Variants in DCBLD1 observed in about 807,000 individuals in gnomAD.
DCBLD1 encodes discoidin, CUB and LCCL domain containing 1, also known as discoidin, CUB and LCCL domain-containing protein 1.
A neutral mutation model predicts 71.5 loss-of-function variants in DCBLD1; 57 were observed. The observed-to-expected ratio is 0.80, with a 90% CI of 0.64 to 0.99. The LOEUF (loss-of-function observed/expected upper bound fraction) is 0.99. DCBLD1 is among the 50% of genes least tolerant of loss of function. The pLI, the probability that DCBLD1 is intolerant of heterozygous loss-of-function variation, is 0.00. For missense variants in DCBLD1, 891 were observed against 923.5 expected, an observed-to-expected ratio of 0.96 and a Z score of 0.46; for synonymous variants, 380 against 363.8, an observed-to-expected ratio of 1.04 and a Z score of -0.51.
intron 12 of DCBLD1, chr6:117,544,134 G>A (rs1779188136): frequency 6.1e-6 from 1 of 163,300 alleles, no homozygotes; most frequent in South Asian, 2.0e-4. Flanking sequence ...ATGCCTTAGT[G>A]TAATGTGCTT....
At chr6:117,503,437 T>C in intron 1 of DCBLD1, 1 of 275,050 alleles carries the variant, frequency 3.6e-6, no homozygotes, top group Non-Finnish European at 6.9e-6. Flanking sequence ...GCTTGGCAAA[T>C]GCATGCAAGG....
chr6:117,490,794 G>T (rs1436199163), intron 1 of DCBLD1, among the ~76,000 whole-genome samples: 1 of 151,634 alleles, frequency 6.6e-6, no homozygotes, highest in Non-Finnish European at 1.5e-5. Flanking sequence ...TACTGAAAAA[G>T]AATAGTCTTT....
intron 14 of DCBLD1, among the ~76,000 whole-genome samples, chr6:117,566,197 T>G (rs1474344157): frequency 6.6e-6 from 1 of 152,084 alleles, no homozygotes; most frequent in East Asian, 1.9e-4. Context: ...CCAGATACCA[T>G]CAGTGCAAAT....
intron 2 of DCBLD1, among the ~76,000 whole-genome samples, chr6:117,518,973 A>G (rs1582999756): frequency 1.3e-5 from 2 of 152,094 alleles, no homozygotes; most frequent in South Asian, 2.1e-4. Flanking sequence ...GCCGCTGACT[A>G]TTTCCATACT....
chr6:117,521,485 T>TA (rs772606276), intron 3 of DCBLD1, 40 bp from the exon 4 acceptor site: 24 of 1,508,630 alleles, frequency 1.6e-5, no homozygotes, highest in Non-Finnish European at 2.2e-5. Flanking sequence ...TCCTAGTTTT[T>TA]ATTCATTCTA....
downstream of DCBLD1, among the ~76,000 whole-genome samples, chr6:117,550,339 A>T (rs777619214): frequency 3.9e-5 from 6 of 152,150 alleles, no homozygotes; most frequent in Non-Finnish European, 5.9e-5. Flanking sequence ...ACACAGCTAA[A>T]CCTAAACTAG....
chr6:117,550,115 G>A (rs1465273109), downstream of DCBLD1, among the ~76,000 whole-genome samples: 1 of 152,176 alleles, frequency 6.6e-6, no homozygotes, highest in Non-Finnish European at 1.5e-5. Context: ...GCTGTTTACA[G>A]AATTTTAATA....
At chr6:117,523,748 A>G (rs1778458233) in intron 4 of DCBLD1, among the ~76,000 whole-genome samples, 1 of 152,232 alleles carries the variant, frequency 6.6e-6, no homozygotes, top group Non-Finnish European at 1.5e-5. Flanking sequence ...TAGTTGTTAC[A>G]TATATAATTT....
chr6:117,498,163 A>G (rs1777529963), intron 1 of DCBLD1, among the ~76,000 whole-genome samples: 1 of 152,240 alleles, frequency 6.6e-6, no homozygotes. Context: ...TGAAATATTC[A>G]TGAATACTTG....
Position 117,548,234 on chromosome 6 carries a change from A to C in DCBLD1, c.1943A>C (p.Gln648Pro). The C allele has an allele frequency of 6.4e-7, 1 of 1,550,600 alleles. No individual in the cohort carries two copies. Among genetic ancestry groups the C allele is most frequent in the Non-Finnish European group, 8.7e-7 (1 of 1,146,988 alleles). ...TCCCCCGTAGCGGGTGTGGGCGCCC[A>C]GGACGGAGACTATCAAAGGCCACAC... ...GFSPVAGVGA[Q>P]DGDYQRPHSA... The change falls in exon 15 of 15, where the codon CAG becomes CCG. Residue 648 changes from glutamine to proline, a missense_variant. Coordinates refer to ENST00000338728, the MANE Select transcript of DCBLD1 (RefSeq NM_001366458.2).
intron 5 of DCBLD1, among the ~76,000 whole-genome samples, chr6:117,530,403 A>T (rs2173891): frequency 0.31 from 46,693 of 152,092 alleles, 8,246 homozygotes; most frequent in African/African-American, 0.49. Context: ...CGCAGTTGTC[A>T]GTAGGATTTG....
intron 1 of DCBLD1, among the ~76,000 whole-genome samples, chr6:117,503,080 C>CT (rs772310979): frequency 2.0e-5 from 3 of 152,202 alleles, no homozygotes; most frequent in Admixed American, 6.5e-5. Flanking sequence ...CCATTTTACT[C>CT]TGAGTTCTAT....
At chr6:117,568,815 T>C (rs556612693) in intron 14 of DCBLD1, among the ~76,000 whole-genome samples, 14 of 152,208 alleles carry the variant, frequency 9.2e-5, no homozygotes, top group Non-Finnish European at 1.9e-4. Flanking sequence ...GAAGTAGTGA[T>C]GTTGCAAAGA....
intron 2 of DCBLD1, among the ~76,000 whole-genome samples, chr6:117,516,971 G>A (rs961436527): frequency 1.3e-5 from 2 of 151,984 alleles, no homozygotes; most frequent in African/African-American, 2.4e-5. Context: ...TTATCATTTC[G>A]ACCCTGGCCC....
At chr6:117,510,383 G>A (rs932518509) in intron 2 of DCBLD1, among the ~76,000 whole-genome samples, 33 of 148,904 alleles carry the variant, frequency 2.2e-4, no homozygotes, top group African/African-American at 7.9e-4. Flanking sequence ...ACACACACAC[G>A]TAAAAGTAAA....
In DCBLD1 at chr6:117,548,418, G is replaced by C. The variant is rs143684178; in HGVS notation, c.2127G>C (p.Thr709=). Residue 709 remains threonine (T), a synonymous_variant, in exon 15 of 15, where the codon ACG becomes ACC. Coordinates refer to ENST00000338728, the MANE Select transcript of DCBLD1 (RefSeq NM_001366458.2). ...PRDCLTPLNQ[T]AMTALL ...ACTGCCTCACACCCCTCAACCAGAC[G>C]GCCATGACTGCCCTTTTGTGAACAC... The C allele has an allele frequency of 2.4e-4, 376 of 1,550,494 alleles. No individual in the cohort carries two copies. Among genetic ancestry groups the C allele is most frequent in the Non-Finnish European group, 3.2e-4 (365 of 1,147,008 alleles).
rs184790040 is a variant in DCBLD1, at chr6:117,521,545, C to T, written c.481C>T (p.Arg161Ter). 7.0e-6 allele frequency: 11 copies of T among 1,570,782 alleles called. No homozygotes were observed. In the East Asian group the frequency reaches 1.2e-4, roughly 17 times the overall value. Residue 161 changes from arginine to a stop codon, truncating the protein, a stop_gained, in exon 4 of 15, where the codon CGA (arginine) becomes TGA (stop). Coordinates refer to ENST00000338728, the MANE Select transcript of DCBLD1 (RefSeq NM_001366458.2). LOFTEE classifies it high-confidence loss of function. The stretch of plus-strand genomic sequence containing the variant: ...GACAGATTTAATAACATGTTTGGAA[C>T]GAGCTAGCCATTATTTGAAGACAGA... ...DHPDLITCLE[R>*]ASHYLKTEYS...
intron 2 of DCBLD1, among the ~76,000 whole-genome samples, chr6:117,504,243 G>A (rs1475652108): frequency 2.0e-5 from 3 of 152,122 alleles, no homozygotes; most frequent in African/African-American, 4.8e-5. Flanking sequence ...TTAGAGATAC[G>A]TGACATTTGG....
chr6:117,568,517 T>TATCC lies in DCBLD1; in HGVS notation c.1616-1103_1616-1102insATCC, dbSNP rs565663416. Among the ~76,000 whole-genome samples, 30 of 152,354 alleles carry TATCC rather than the reference T, an allele frequency of 2.0e-4. No homozygotes were observed. The South Asian group carries it at 6.0e-3, about 30-fold the overall frequency. On this transcript the variant is annotated intron_variant, in intron 14 of 14. Transcript: ENST00000296955. Reference sequence around the variant, plus strand: ...ACCAGTTATCCCACTCTTTTGCTACTGGATGACAGTCAAGATGGATTGATA... The same window carrying TATCC: ...ACCAGTTATCCCACTCTTTTGCTACTATCCGGATGACAGTCAAGATGGATTGATA...
Sources: allele counts gnomAD v4.1 joint callset (sites outside exome capture counted in the v4.1 genomes callset), GRCh38; gene constraint gnomAD v4.1.1; transcripts MANE v1.5; gene names NCBI Gene and HGNC (gene_info 2026-07-23, HGNC 2026-07-21).